The following CEMIP variants were observed in gnomAD, a reference collection of about 807,000 sequenced individuals.
CEMIP encodes cell migration-inducing and hyaluronan-binding protein.
Under a neutral mutation model 156.9 loss-of-function variants are expected in CEMIP, and 105 were observed. The ratio of observed to expected loss-of-function variants is 0.67; its 90% CI spans 0.57 to 0.79. The LOEUF (loss-of-function observed/expected upper bound fraction) is 0.79. CEMIP is among the 30% of genes least tolerant of loss of function. The pLI, the probability that CEMIP is intolerant of heterozygous loss-of-function variation, is 0.00. For synonymous variants in CEMIP, 676 were observed against 668.4 expected (o/e 1.01, Z -0.17); for missense variants, 1,457 against 1,769.4 (o/e 0.82, Z 3.17).
chr15:80,804,316 G>A (rs188806327), intron 1 of CEMIP, among the ~76,000 whole-genome samples: 70 of 152,316 alleles, frequency 4.6e-4, no homozygotes, highest in African/African-American at 1.7e-3. Flanking sequence ...GCTTTTCAGT[G>A]CCTTTTTTGT....
At chr15:80,940,753 C>A (rs766161709) in intron 25 of CEMIP, among the ~76,000 whole-genome samples, 1 of 152,212 alleles carries the variant, frequency 6.6e-6, no homozygotes, top group Non-Finnish European at 1.5e-5. Flanking sequence ...CTCATGGGCT[C>A]AGGTGCTGAC....
rs192870445 is a variant in CEMIP, at chr15:80,854,847, A to T, written c.-175-18691A>T. ...AATATAATGAAGCCATACCTATTTT[A>T]AAAAAACCCACAGAAATTTCCCAGA... is the stretch of plus-strand genomic sequence containing the variant. On this transcript the variant is annotated intron_variant, in intron 1 of 29. Coordinates refer to ENST00000394685, the MANE Select transcript of CEMIP (RefSeq NM_001293298.2). Among the ~76,000 whole-genome samples the T allele has an allele frequency of 1.6e-3, 249 of 152,266 alleles. 1 individual carries two copies. The highest frequency in any genetic ancestry group is 2.5e-3 in the Non-Finnish European group (173 of 68,026).
At chr15:80,827,330 A>G (rs2141668985) in intron 1 of CEMIP, among the ~76,000 whole-genome samples, 1 of 152,350 alleles carries the variant, frequency 6.6e-6, no homozygotes, top group African/African-American at 2.4e-5. Flanking sequence ...ACTGCAGTAT[A>G]GCCTGATAGT....
chr15:80,857,066 G>A (rs578153567), intron 1 of CEMIP, among the ~76,000 whole-genome samples: 1 of 152,332 alleles, frequency 6.6e-6, no homozygotes, highest in South Asian at 2.1e-4. Flanking sequence ...TCAGATCAAA[G>A]AAGGACTCTG....
chr15:80,864,164 A>G (rs1898059922), intron 1 of CEMIP, among the ~76,000 whole-genome samples: 1 of 152,202 alleles, frequency 6.6e-6, no homozygotes, highest in Non-Finnish European at 1.5e-5. Flanking sequence ...CCAGGACCCC[A>G]GGACTCTGGC....
intron 14 of CEMIP, among the ~76,000 whole-genome samples, chr15:80,916,968 G>C (rs1900297524): frequency 6.6e-6 from 1 of 152,224 alleles, no homozygotes. Flanking sequence ...GACTCAGACA[G>C]ATGGGGAATC....
At chr15:80,845,986 T>A (rs1398450104) in intron 1 of CEMIP, among the ~76,000 whole-genome samples, 3 of 152,134 alleles carry the variant, frequency 2.0e-5, no homozygotes, top group African/African-American at 7.2e-5. Context: ...TGGGCACGCA[T>A]GCCCTCTGCT....
intron 6 of CEMIP, among the ~76,000 whole-genome samples, chr15:80,883,080 C>T (rs1171970154): frequency 6.6e-6 from 1 of 152,114 alleles, no homozygotes; most frequent in Non-Finnish European, 1.5e-5. Flanking sequence ...TATCCAGCTA[C>T]CACCGGTACC....
chr15:80,912,278 C>T (rs1900099955), intron 14 of CEMIP, among the ~76,000 whole-genome samples: 1 of 152,208 alleles, frequency 6.6e-6, no homozygotes, highest in East Asian at 1.9e-4. Flanking sequence ...GTCACTTCTA[C>T]CCACAGTGGA....
chr15:80,839,734 A>G (rs1416599976), intron 1 of CEMIP, among the ~76,000 whole-genome samples: 1 of 152,176 alleles, frequency 6.6e-6, no homozygotes, highest in East Asian at 1.9e-4. Context: ...TGTGGGCTGC[A>G]TGGGGCACAG....
At chr15:80,786,894 G>A (rs1484635271) in intron 1 of CEMIP, among the ~76,000 whole-genome samples, 1 of 152,156 alleles carries the variant, frequency 6.6e-6, no homozygotes, top group Non-Finnish European at 1.5e-5. Flanking sequence ...TATTTTCAGG[G>A]TTTAAAATTT....
At chr15:80,780,400 G>C (rs1255065654) in intron 1 of CEMIP, among the ~76,000 whole-genome samples, 1 of 152,204 alleles carries the variant, frequency 6.6e-6, no homozygotes, top group African/African-American at 2.4e-5. Flanking sequence ...GGGAACGAAG[G>C]CCAGTGACAT....
intron 1 of CEMIP, among the ~76,000 whole-genome samples, chr15:80,864,966 C>T (rs1363907977): frequency 6.6e-6 from 1 of 152,000 alleles, no homozygotes. Context: ...CAGGGAATAC[C>T]ACCGTGAGAA....
intron 3 of CEMIP, among the ~76,000 whole-genome samples, chr15:80,874,556 C>G (rs1898408058): frequency 6.6e-6 from 1 of 152,152 alleles, no homozygotes; most frequent in South Asian, 2.1e-4. Context: ...TGCTCCCTTC[C>G]TGCTTTGGTG....
intron 1 of CEMIP, chr15:80,842,015 T>G: frequency 2.1e-6 from 1 of 471,908 alleles, no homozygotes; most frequent in Non-Finnish European, 4.2e-6. Flanking sequence ...TAGTTGTCAC[T>G]GATTTGAGAC....
At chr15:80,929,249 A>T (rs1471717227) in intron 21 of CEMIP, 75 bp downstream of exon 21, 3 of 1,554,142 alleles carry the variant, frequency 1.9e-6, no homozygotes, top group Non-Finnish European at 2.7e-6. Flanking sequence ...GAAAAAGTTA[A>T]TGGGTAGTTT....
In CEMIP at chr15:80,920,296, G is replaced by GCAAGTAAGTGCCTGGACC; in HGVS notation, c.2002_2003+16dup. 2 of 1,613,550 alleles carry GCAAGTAAGTGCCTGGACC rather than the reference G, an allele frequency of 1.2e-6. No homozygotes were observed. Among genetic ancestry groups the GCAAGTAAGTGCCTGGACC allele is most frequent in the Non-Finnish European group, 8.5e-7 (1 of 1,179,504 alleles). On this transcript the variant is annotated stop_gained and inframe_insertion, in exon 15 of 30. Coordinates refer to ENST00000394685, the MANE Select transcript of CEMIP (RefSeq NM_001293298.2). LOFTEE classifies it high-confidence loss of function. ...TACATCCCCAAGCCCAGGCAAGACT[G>GCAAGTAAGTGCCTGGACC]CAAGTAAGTGCCTGGACCCCTCTCT...
chr15:80,894,567 T>C (rs1008939085), intron 10 of CEMIP, among the ~76,000 whole-genome samples: 3 of 152,186 alleles, frequency 2.0e-5, no homozygotes, highest in African/African-American at 7.2e-5. Flanking sequence ...GGCATGAGTA[T>C]TTTTTAAAGA....
At chr15:80,861,856 C>A (rs1897995057) in intron 1 of CEMIP, among the ~76,000 whole-genome samples, 1 of 152,236 alleles carries the variant, frequency 6.6e-6, no homozygotes. Context: ...AGTGAGTAGA[C>A]TTGGGTAGCT....
Sources: allele counts gnomAD v4.1 joint callset (sites outside exome capture counted in the v4.1 genomes callset), GRCh38; gene constraint gnomAD v4.1.1; transcripts MANE v1.5; gene names NCBI Gene and HGNC (gene_info 2026-07-23, HGNC 2026-07-21).